The following SHLD2 variants were observed in gnomAD, a reference collection of about 807,000 sequenced individuals.
SHLD2 encodes shieldin complex subunit 2.
In SHLD2, 30 loss-of-function variants were observed where a neutral mutation model predicts 73.2. The observed-to-expected ratio is 0.41, with a 90% CI of 0.31 to 0.56. The LOEUF (loss-of-function observed/expected upper bound fraction) is 0.56, where lower values mean the gene tolerates loss of function less well. Among genes scored for constraint, SHLD2 ranks in the 20% least tolerant of loss-of-function variants. The probability of loss-of-function intolerance (pLI) is 0.28; values close to 1 mark genes in which losing one functional copy is unlikely to be tolerated. For synonymous variants in SHLD2, 285 were observed against 370.1 expected, an observed-to-expected ratio of 0.77 and a Z score of 2.64; for missense variants, 745 against 1,055.9, an observed-to-expected ratio of 0.71 and a Z score of 4.08.
At chr10:87,171,721 C>A (rs1847604727) in intron 6 of SHLD2, among the ~76,000 whole-genome samples, 2 of 152,158 alleles carry the variant, frequency 1.3e-5, no homozygotes, top group African/African-American at 4.8e-5. Context: ...AAACTTCTGC[C>A]TTCCAAATAG....
chr10:87,134,226 T>C (rs1290636027), intron 2 of SHLD2, among the ~76,000 whole-genome samples: 4 of 152,100 alleles, frequency 2.6e-5, no homozygotes, highest in Admixed American at 1.3e-4. Flanking sequence ...TGAAAACCTA[T>C]AAAAGCAGGA....
At chr10:87,183,015 T>C (rs528121121) in intron 8 of SHLD2, among the ~76,000 whole-genome samples, 1 of 152,310 alleles carries the variant, frequency 6.6e-6, no homozygotes, top group South Asian at 2.1e-4. Context: ...GTGAGTTAGC[T>C]GTGCGTTGGA....
At chr10:87,181,473 T>A (rs771635056) in intron 8 of SHLD2, among the ~76,000 whole-genome samples, 2 of 152,230 alleles carry the variant, frequency 1.3e-5, no homozygotes, top group Non-Finnish European at 2.9e-5. Flanking sequence ...ATAGGTGACT[T>A]ATTTATGTCA....
chr10:87,146,407 C>A (rs1486804873), intron 2 of SHLD2, among the ~76,000 whole-genome samples: 1 of 152,066 alleles, frequency 6.6e-6, no homozygotes, highest in Non-Finnish European at 1.5e-5. Flanking sequence ...GATTCTCCTG[C>A]CTCAGCCTCT....
chr10:87,125,080 C>A (rs1349920044), intron 2 of SHLD2, among the ~76,000 whole-genome samples: 1 of 152,142 alleles, frequency 6.6e-6, no homozygotes, highest in African/African-American at 2.4e-5. Context: ...TAATTGGTTT[C>A]ATTGGCAGTA....
chr10:87,176,232 C>G, intron 7 of SHLD2, 137 bp downstream of exon 7: 2 of 1,282,940 alleles, frequency 1.6e-6, no homozygotes, highest in Non-Finnish European at 2.2e-6. Context: ...AGTGATTCTC[C>G]CCGTTCAGCC....
At chr10:87,182,302 A>G (rs1443650621) in intron 8 of SHLD2, among the ~76,000 whole-genome samples, 2 of 152,242 alleles carry the variant, frequency 1.3e-5, no homozygotes, top group African/African-American at 2.4e-5. Flanking sequence ...TGTGGATGTT[A>G]TACTAGTTGA....
chr10:87,101,552 C>T (rs1451569099), intron 2 of SHLD2, among the ~76,000 whole-genome samples: 3 of 152,306 alleles, frequency 2.0e-5, no homozygotes, highest in South Asian at 4.1e-4. Context: ...TGCACCACCT[C>T]GCCTGGCTCA....
chr10:87,159,723 A>G (rs1380346193), intron 4 of SHLD2, among the ~76,000 whole-genome samples: 1 of 152,178 alleles, frequency 6.6e-6, no homozygotes, highest in African/African-American at 2.4e-5. Context: ...GGGTCTGGGG[A>G]TCAGGGAAGA....
intron 8 of SHLD2, among the ~76,000 whole-genome samples, chr10:87,182,733 T>A (rs1848388954): frequency 1.3e-5 from 2 of 152,126 alleles, no homozygotes; most frequent in African/African-American, 4.8e-5. Context: ...CAAGAGGTTA[T>A]AGTCAAGGTG....
At chr10:87,143,862 C>CTTTTT (rs61651864) in intron 2 of SHLD2, among the ~76,000 whole-genome samples, 51 of 104,680 alleles carry the variant, frequency 4.9e-4, no homozygotes, top group African/African-American at 9.1e-4. Flanking sequence ...TTTATTCTTT[C>CTTTTT]TTTTTTTTTT....
chr10:87,178,728 AT>A (rs1465810175), intron 7 of SHLD2, among the ~76,000 whole-genome samples: 1 of 152,170 alleles, frequency 6.6e-6, no homozygotes, highest in Admixed American at 6.5e-5. Flanking sequence ...ACAAAAAAAA[AT>A]AATAATAATT....
intron 2 of SHLD2, among the ~76,000 whole-genome samples, chr10:87,106,918 T>C (rs1842630729): frequency 6.6e-6 from 1 of 152,152 alleles, no homozygotes; most frequent in African/African-American, 2.4e-5. Context: ...GATGAGACTA[T>C]TTTGAAGATA....
At chr10:87,170,272 A>G (rs1052887209) in intron 4 of SHLD2, among the ~76,000 whole-genome samples, 7 of 152,204 alleles carry the variant, frequency 4.6e-5, no homozygotes, top group African/African-American at 1.7e-4. Context: ...AAATAATTCC[A>G]TTTCCATTGA....
chr10:87,104,313 C>T (rs1203162882), intron 2 of SHLD2, among the ~76,000 whole-genome samples: 15 of 141,320 alleles, frequency 1.1e-4, no homozygotes, highest in Admixed American at 2.9e-4. Context: ...TTTGGGAGGC[C>T]GAGGCGGGTG....
intron 4 of SHLD2, among the ~76,000 whole-genome samples, chr10:87,163,016 A>C: frequency 6.6e-6 from 1 of 152,178 alleles, no homozygotes; most frequent in Non-Finnish European, 1.5e-5. Context: ...ATGAAAATAC[A>C]TATCACAAGG....
At chr10:87,096,170 G>T (rs1351375035) in intron 1 of SHLD2, among the ~76,000 whole-genome samples, 1 of 151,988 alleles carries the variant, frequency 6.6e-6, no homozygotes, top group Admixed American at 6.6e-5. Context: ...CTCAGCCTCG[G>T]GGTAGCTGGG....
chr10:87,094,672 G>C (rs1045137232), upstream of SHLD2: 2 of 1,551,270 alleles, frequency 1.3e-6, no homozygotes, highest in Admixed American at 1.9e-5. This position sits in a 1 kb window ranked among gnomAD's most constrained non-coding sequence, Gnocchi z 6.6. Context: ...CTGTCCCCGG[G>C]CCCAGCCCAG....
rs1050519349 is a variant in SHLD2 at position 87,132,113 on chromosome 10, A to C, written c.-5-19237A>C. Among the ~76,000 whole-genome samples, 22 of 152,354 alleles carry C rather than the reference A, an allele frequency of 1.4e-4. 1 individual carries two copies. The highest frequency in any genetic ancestry group is 5.3e-4 in the African/African-American group (22 of 41,582). ...TCTTTATACATTCTGGGTACTAGAC[A>C]TGATTTTCAAATTTAGATACATGAT... On this transcript the variant is annotated intron_variant, in intron 2 of 9. Coordinates refer to ENST00000298786, the MANE Select transcript of SHLD2 (RefSeq NM_001330112.2).
Sources: allele counts gnomAD v4.1 joint callset (sites outside exome capture counted in the v4.1 genomes callset), GRCh38; gene constraint gnomAD v4.1.1; non-coding constraint Gnocchi (gnomAD v3.1); transcripts MANE v1.5; gene names NCBI Gene and HGNC (gene_info 2026-07-23, HGNC 2026-07-21).